DCT: variants seen among roughly 807,000 people sequenced by gnomAD.
DCT encodes the protein dopachrome tautomerase.
Under a neutral mutation model 53.0 loss-of-function variants are expected in DCT, and 47 were observed. The observed-to-expected ratio is 0.89, with a 90% CI of 0.70 to 1.13. The LOEUF (loss-of-function observed/expected upper bound fraction) is 1.13, where lower values mean the gene tolerates loss of function less well. Among genes scored for constraint, DCT ranks in the 50% most tolerant of loss-of-function variants. DCT has a pLI of 0.00. For synonymous variants in DCT, 244 were observed against 237.0 expected (o/e 1.03, Z -0.27); for missense variants, 669 against 637.4 (o/e 1.05, Z -0.53).
chr13:94,515,237 G>A, the DCT span, among the ~76,000 whole-genome samples: 1 of 152,206 alleles, frequency 6.6e-6, no homozygotes, highest in Non-Finnish European at 1.5e-5. Flanking sequence ...CTCTGCTGTA[G>A]CAGCCCCAAC....
intron 7 of DCT, among the ~76,000 whole-genome samples, chr13:94,440,699 T>TTTGTGTTTTTTTG (rs1555330304): frequency 6.7e-6 from 1 of 148,486 alleles, no homozygotes. Context: ...TTTTTTTTTT[T>TTTGTGTTTTTTTG]AGATAAAGTC....
intron 7 of DCT, among the ~76,000 whole-genome samples, chr13:94,441,442 G>A (rs747963831): frequency 6.6e-6 from 1 of 151,952 alleles, no homozygotes; most frequent in Non-Finnish European, 1.5e-5. Context: ...ATTGTTGTGC[G>A]ACCATCGCCA....
the DCT span, among the ~76,000 whole-genome samples, chr13:94,548,273 G>T: frequency 6.6e-6 from 1 of 151,988 alleles, no homozygotes; most frequent in Non-Finnish European, 1.5e-5. Context: ...GTTATGAAGA[G>T]CAAATAATGC....
At chr13:94,515,029 C>T in the DCT span, among the ~76,000 whole-genome samples, 2 of 152,022 alleles carry the variant, frequency 1.3e-5, no homozygotes, top group African/African-American at 4.8e-5. Flanking sequence ...GGATTAGTGC[C>T]CTTAGAAAAG....
Position 94,438,515 on chromosome 13 carries a change from T to A in DCT, c.*1383A>T, listed in dbSNP as rs901487994. On this transcript the variant is annotated 3_prime_UTR_variant, in exon 8 of 8. Coordinates refer to ENST00000377028, the MANE Select transcript of DCT (RefSeq NM_001922.5). ...TATGTTGAAGGCAGCTCCAGGGACCTCTTAACACCCATTCTTTACATTCAT... is the reference window on the plus strand; with the variant it reads ...TATGTTGAAGGCAGCTCCAGGGACCACTTAACACCCATTCTTTACATTCAT... 2 of 447,706 alleles carry A rather than the reference T, an allele frequency of 4.5e-6. No individual in the cohort carries two copies. The highest frequency in any genetic ancestry group is 9.0e-6 in the Non-Finnish European group (2 of 223,098). 27.7% of individuals were successfully genotyped at this position (447,706 alleles called of 1,614,324 possible).
chr13:94,466,432 G>C, intron 3 of DCT, 126 bp downstream of exon 3: 1 of 569,704 alleles, frequency 1.8e-6, no homozygotes, highest in South Asian at 2.7e-5. Context: ...ATTTACTTTA[G>C]TGCACTAATC....
At chr13:94,477,870 G>A (rs1270188975) in intron 1 of DCT, among the ~76,000 whole-genome samples, 2 of 152,188 alleles carry the variant, frequency 1.3e-5, no homozygotes, top group Admixed American at 6.5e-5. Flanking sequence ...GCTTTCCTGA[G>A]GTTGCCACTT....
chr13:94,453,245 A>G (rs1413418372), intron 6 of DCT, among the ~76,000 whole-genome samples: 2 of 152,066 alleles, frequency 1.3e-5, no homozygotes, highest in Non-Finnish European at 2.9e-5. Context: ...TTTGGTACCC[A>G]TGGTGGGGGG....
At chr13:94,515,528 T>C in the DCT span, among the ~76,000 whole-genome samples, 4 of 152,228 alleles carry the variant, frequency 2.6e-5, no homozygotes, top group African/African-American at 9.6e-5. Context: ...TACCAAATAC[T>C]GAATCAGTAC....
the DCT span, among the ~76,000 whole-genome samples, chr13:94,519,737 C>T: frequency 2.0e-5 from 3 of 152,150 alleles, no homozygotes; most frequent in Non-Finnish European, 4.4e-5. Context: ...CAGTGGTTGC[C>T]TTGATTCACA....
At chr13:94,491,930 A>G in the DCT span, among the ~76,000 whole-genome samples, 2 of 152,184 alleles carry the variant, frequency 1.3e-5, no homozygotes, top group African/African-American at 4.8e-5. Context: ...ATTTAGACCA[A>G]TACTCTCAAG....
chr13:94,465,511 A>C (rs1423170898), intron 4 of DCT, 122 bp downstream of exon 4: 1 of 809,470 alleles, frequency 1.2e-6, no homozygotes, highest in African/African-American at 1.8e-5. Context: ...AACTGTTTTT[A>C]GAAACATGTA....
At chr13:94,441,191 G>T (rs145474709) in intron 7 of DCT, among the ~76,000 whole-genome samples, 1 of 152,062 alleles carries the variant, frequency 6.6e-6, no homozygotes, top group South Asian at 2.1e-4. Flanking sequence ...GTTTTGATCT[G>T]TCTCCTCCTG....
At chr13:94,494,434 GA>G in the DCT span, among the ~76,000 whole-genome samples, 108 of 152,232 alleles carry the variant, frequency 7.1e-4, no homozygotes, top group African/African-American at 2.3e-3. Flanking sequence ...TATCTTCAGG[GA>G]TTTCCCAGGC....
chr13:94,481,330 C>T (rs193093480), upstream of DCT, among the ~76,000 whole-genome samples: 1 of 152,336 alleles, frequency 6.6e-6, no homozygotes, highest in East Asian at 1.9e-4. Context: ...TTCAACCTAA[C>T]ACATCATGGG....
At chr13:94,454,428 CT>C (rs1026253331) in intron 6 of DCT, among the ~76,000 whole-genome samples, 4 of 151,828 alleles carry the variant, frequency 2.6e-5, no homozygotes, top group African/African-American at 4.8e-5. Context: ...TGTTGGTTTC[CT>C]TTTTTTTCTC....
Position 94,471,121 on chromosome 13 carries a change from G to A in DCT, c.296-2076C>T, listed in dbSNP as rs541711293. Among the ~76,000 whole-genome samples, 23 of 152,250 alleles carry A rather than the reference G, an allele frequency of 1.5e-4. No individual in the cohort carries two copies. The South Asian group carries it at 4.8e-3, about 32-fold the overall frequency. On this transcript the variant is annotated intron_variant, in intron 1 of 7. Transcript: ENST00000377028. The stretch of plus-strand genomic sequence containing the variant: ...ACCATAGGGGAGGGGGAGTTATTTG[G>A]ATCTCTCAAGGAAAGGAAAATTTTC...
chr13:94,464,629 A>G (rs760753897), intron 4 of DCT, among the ~76,000 whole-genome samples: 1 of 151,794 alleles, frequency 6.6e-6, no homozygotes, highest in Non-Finnish European at 1.5e-5. Context: ...ACAGAGTGAG[A>G]CTCCATCTCA....
chr13:94,496,075 A>T, the DCT span, among the ~76,000 whole-genome samples: 1 of 152,166 alleles, frequency 6.6e-6, no homozygotes, highest in Admixed American at 6.5e-5. Flanking sequence ...CAACATGCTG[A>T]TGTTACCCAG....
Sources: allele counts gnomAD v4.1 joint callset (sites outside exome capture counted in the v4.1 genomes callset), GRCh38; gene constraint gnomAD v4.1.1; transcripts MANE v1.5; gene names NCBI Gene and HGNC (gene_info 2026-07-23, HGNC 2026-07-21).